Variants in PPFIA2 observed in about 807,000 individuals in gnomAD.
The protein encoded by PPFIA2 is PPFI scaffold protein A2, also known as liprin-alpha-2.
A neutral mutation model predicts 175.5 loss-of-function variants in PPFIA2; 46 were observed. The observed-to-expected ratio is 0.26, with a 90% confidence interval of 0.21 to 0.34. The LOEUF is 0.34. Among genes scored for constraint, PPFIA2 ranks in the 10% least tolerant of loss-of-function variants. PPFIA2 has a pLI of 1.00. For missense variants in PPFIA2, 1,179 were observed against 1,506.1 expected (o/e 0.78, Z 3.60); for synonymous variants, 568 against 511.4 (o/e 1.11, Z -1.49).
intron 4 of PPFIA2, among the ~76,000 whole-genome samples, chr12:81,473,933 A>T (rs1387097788): frequency 1.3e-5 from 2 of 152,178 alleles, no homozygotes; most frequent in Non-Finnish European, 2.9e-5. Context: ...TGTAATAAAT[A>T]ATGTTACCTG....
At chr12:81,486,138 T>C (rs2058787212) in intron 4 of PPFIA2, among the ~76,000 whole-genome samples, 1 of 151,958 alleles carries the variant, frequency 6.6e-6, no homozygotes. Context: ...AGCACTGTTC[T>C]AGGCACTTAA....
intron 8 of PPFIA2, among the ~76,000 whole-genome samples, chr12:81,401,319 T>C (rs2042061893): frequency 6.6e-6 from 1 of 152,206 alleles, no homozygotes; most frequent in Non-Finnish European, 1.5e-5. Context: ...ATGTAATTCA[T>C]TGAATATAGT....
chr12:81,389,527 G>A (rs2039703925), intron 8 of PPFIA2, among the ~76,000 whole-genome samples: 1 of 151,924 alleles, frequency 6.6e-6, no homozygotes. Flanking sequence ...TTATTCCATA[G>A]TGTTTATGAA....
chr12:81,501,498 A>G (rs2060593237), intron 4 of PPFIA2, among the ~76,000 whole-genome samples: 1 of 152,132 alleles, frequency 6.6e-6, no homozygotes, highest in Non-Finnish European at 1.5e-5. Flanking sequence ...TGATACAGGC[A>G]CTTTTCTCTA....
chr12:81,720,556 C>T (rs953767014), intron 3 of PPFIA2, among the ~76,000 whole-genome samples: 1 of 151,342 alleles, frequency 6.6e-6, no homozygotes, highest in African/African-American at 2.4e-5. Context: ...ACAATAGGAC[C>T]ACCAATTAAA....
At chr12:81,412,291 G>T in intron 7 of PPFIA2, among the ~76,000 whole-genome samples, 1 of 137,232 alleles carries the variant, frequency 7.3e-6, no homozygotes, top group Non-Finnish European at 1.5e-5. Context: ...GAAAAATGCA[G>T]ACAGTTTCCT....
At chr12:81,480,580 C>T (rs557965500) in intron 4 of PPFIA2, among the ~76,000 whole-genome samples, 21 of 152,214 alleles carry the variant, frequency 1.4e-4, no homozygotes, top group African/African-American at 4.1e-4. Context: ...TGGTGACCTT[C>T]GGATGGGGTT....
intron 17 of PPFIA2, chr12:81,350,330 G>A (rs562760911): frequency 8.5e-5 from 13 of 152,222 alleles, no homozygotes; most frequent in South Asian, 2.1e-4. Flanking sequence ...AATATCAAGC[G>A]AAGTGCTAAG....
chr12:81,264,841 A>G (rs2036724269), intron 30 of PPFIA2, among the ~76,000 whole-genome samples: 1 of 152,240 alleles, frequency 6.6e-6, no homozygotes, highest in Non-Finnish European at 1.5e-5. Context: ...GTGTAAATGT[A>G]GAAAAGAAAC....
At chr12:81,749,112 C>A (rs2153662273) in intron 3 of PPFIA2, among the ~76,000 whole-genome samples, 1 of 144,510 alleles carries the variant, frequency 6.9e-6, no homozygotes, top group Admixed American at 7.3e-5. Flanking sequence ...TCCCATATGT[C>A]CTTCAGCAAA....
chr12:81,622,691 A>G (rs1396563011), intron 4 of PPFIA2, among the ~76,000 whole-genome samples: 1 of 152,142 alleles, frequency 6.6e-6, no homozygotes, highest in East Asian at 1.9e-4. Context: ...CTGATATTGG[A>G]AGTACTCAGA....
chr12:81,306,540 TG>T (rs369473174), intron 22 of PPFIA2, among the ~76,000 whole-genome samples: 14 of 136,150 alleles, frequency 1.0e-4, no homozygotes, highest in Admixed American at 4.7e-4. Flanking sequence ...TTTGTTTCGT[TG>T]TTTTTTTTTT....
intron 4 of PPFIA2, among the ~76,000 whole-genome samples, chr12:81,570,538 T>C (rs2072319983): frequency 6.6e-6 from 1 of 152,116 alleles, no homozygotes; most frequent in Middle Eastern, 3.2e-3. Context: ...AATTATCTAT[T>C]GTGTGTCTTT....
intron 15 of PPFIA2, 111 bp downstream of exon 15, chr12:81,362,582 C>G: frequency 3.3e-6 from 2 of 605,344 alleles, no homozygotes; most frequent in Non-Finnish European, 5.6e-6. Flanking sequence ...ATGATAATGA[C>G]TAGTGAGCAA....
At position 81,684,132 on chromosome 12, in the gene PPFIA2, C is replaced by T. The variant is rs200237317; in HGVS notation, c.250-7288G>A. Among the ~76,000 whole-genome samples, 3 of 152,084 alleles carry T rather than the reference C, an allele frequency of 2.0e-5. No individual in the cohort carries two copies. The East Asian group carries it at 5.8e-4, about 29-fold the overall frequency. ...CATTAAAACCATAGCAGTAGATATC[C>T]TCCTATTTAACTCACCCACTTCATT... On this transcript the variant is annotated intron_variant, in intron 3 of 32. Coordinates refer to ENST00000549396, the MANE Select transcript of PPFIA2 (RefSeq NM_003625.5).
At chr12:81,548,271 A>G (rs1212597602) in intron 4 of PPFIA2, among the ~76,000 whole-genome samples, 3 of 152,170 alleles carry the variant, frequency 2.0e-5, no homozygotes, top group Non-Finnish European at 2.9e-5. Context: ...GAATTTACAC[A>G]GGGAAATACA....
Position 81,409,112 on chromosome 12 carries a change from A to G in PPFIA2, c.646-3209T>C, listed in dbSNP as rs577835702. Among the ~76,000 whole-genome samples the G allele has an allele frequency of 1.1e-4, 16 of 152,310 alleles. No individual in the cohort carries two copies. In the East Asian group the frequency reaches 3.1e-3, roughly 29 times the overall value. On this transcript the variant is annotated intron_variant, in intron 7 of 32. Coordinates refer to ENST00000549396, the MANE Select transcript of PPFIA2 (RefSeq NM_003625.5). Reference sequence around the variant, plus strand: ...TTAGGAAATTCTCTTAGCTGGTTTGAGAAGTGAACACAAGAGATGGCTAGG... The same window carrying G: ...TTAGGAAATTCTCTTAGCTGGTTTGGGAAGTGAACACAAGAGATGGCTAGG...
intron 9 of PPFIA2, among the ~76,000 whole-genome samples, chr12:81,379,060 G>C (rs868099975): frequency 1.2e-4 from 18 of 152,050 alleles, no homozygotes; most frequent in Non-Finnish European, 2.4e-4. Flanking sequence ...ATTACATGCA[G>C]GAATTTTTGC....
chr12:81,420,179 G>C (rs1354799586), intron 7 of PPFIA2, among the ~76,000 whole-genome samples: 2 of 152,100 alleles, frequency 1.3e-5, no homozygotes, highest in African/African-American at 4.8e-5. Context: ...CTTCCCATAG[G>C]TGAGGTCTTT....
Sources: allele counts gnomAD v4.1 joint callset (sites outside exome capture counted in the v4.1 genomes callset), GRCh38; gene constraint gnomAD v4.1.1; transcripts MANE v1.5; gene names NCBI Gene and HGNC (gene_info 2026-07-23, HGNC 2026-07-21).